P2RX5: variants seen among roughly 807,000 people sequenced by gnomAD.
P2RX5 encodes purinergic receptor P2X 5, also known as P2X purinoceptor 5.
In P2RX5, 46 loss-of-function variants were observed where a neutral mutation model predicts 54.1. The ratio of observed to expected loss-of-function variants is 0.85; its 90% CI spans 0.67 to 1.09. The LOEUF (loss-of-function observed/expected upper bound fraction) is 1.09, where lower values mean the gene tolerates loss of function less well. Among genes scored for constraint, P2RX5 ranks in the 50% least tolerant of loss-of-function variants. P2RX5 has a pLI of 0.00. For missense variants in P2RX5, 566 were observed against 549.8 expected (o/e 1.03, Z -0.29); for synonymous variants, 226 against 226.4 (o/e 1.00, Z 0.02).
At chr17:3,693,802 C>T (rs2143001773) in intron 1 of P2RX5, among the ~76,000 whole-genome samples, 1 of 151,744 alleles carries the variant, frequency 6.6e-6, no homozygotes, top group South Asian at 2.1e-4. Flanking sequence ...AAAACTTGTA[C>T]ATGAATGTTC....
chr17:3,716,887 G>A, the P2RX5 span: 11 of 741,642 alleles, frequency 1.5e-5, no homozygotes, highest in Non-Finnish European at 2.3e-5. Context: ...AAAATACGAG[G>A]ACTTGGCAAC....
chr17:3,689,530 G>A lies in P2RX5; in HGVS notation c.715C>T (p.Arg239Cys), dbSNP rs201196717. 10 of 1,614,186 alleles carry A rather than the reference G, an allele frequency of 6.2e-6. No homozygotes were observed. Among genetic ancestry groups the A allele is most frequent in the Admixed American group, 3.3e-5 (2 of 60,034 alleles). ...CPIFRLGSVI[R>C]WAGSDFQDIA... Reference sequence around the variant, plus strand: ...TCCTGGAAGTCGCTCCCGGCCCAGCGGATCACGGAGCCCAGTCGGAAGATG... The same window carrying A: ...TCCTGGAAGTCGCTCCCGGCCCAGCAGATCACGGAGCCCAGTCGGAAGATG... Residue 239 changes from arginine (R) to cysteine (C), a missense_variant, in exon 7 of 12, where the codon CGC (arginine) becomes TGC (cysteine). Coordinates refer to ENST00000225328, the MANE Select transcript of P2RX5 (RefSeq NM_002561.4).
chr17:3,704,722 T>C, the P2RX5 span, among the ~76,000 whole-genome samples: 1 of 152,084 alleles, frequency 6.6e-6, no homozygotes, highest in Non-Finnish European at 1.5e-5. Context: ...GGATAAAGAT[T>C]CAGGCCGGGT....
chr17:3,721,183 C>A, the P2RX5 span, among the ~76,000 whole-genome samples: 2 of 151,766 alleles, frequency 1.3e-5, no homozygotes, highest in Non-Finnish European at 1.5e-5. Flanking sequence ...CCCACCTTAG[C>A]CTCCCACAGT....
intron 10 of P2RX5, among the ~76,000 whole-genome samples, chr17:3,680,327 GC>G (rs2050223915): frequency 7.4e-6 from 1 of 135,484 alleles, no homozygotes; most frequent in Non-Finnish European, 1.6e-5. Context: ...CCTCCACCCT[GC>G]ATCCTCCACC....
the P2RX5 span, among the ~76,000 whole-genome samples, chr17:3,707,366 G>A: frequency 6.6e-6 from 1 of 152,162 alleles, no homozygotes; most frequent in Admixed American, 6.5e-5. Flanking sequence ...TAGAGGTACT[G>A]GTGTCCTTAA....
At chr17:3,692,603 A>G (rs2050648792) in intron 1 of P2RX5, among the ~76,000 whole-genome samples, 1 of 152,162 alleles carries the variant, frequency 6.6e-6, no homozygotes, top group Non-Finnish European at 1.5e-5. Flanking sequence ...GCACTTTGGG[A>G]GACCAAGGCA....
rs2050516913 is a variant in P2RX5 at position 3,688,650 on chromosome 17, G to A, written c.863C>T (p.Ser288Phe). 6.2e-7 allele frequency: 1 copy of A among 1,614,118 alleles called. No individual in the cohort carries two copies. The highest frequency in any genetic ancestry group is 1.6e-4 in the Middle Eastern group (1 of 6,062). ...FSRLDNKLSK[S>F]VSSGYNFRFA... ...CCTGAAGTTGTACCCGGAGGAGACAGACTTTGAAAGTTTATTGTCCAGACG... is the reference window on the plus strand; with the variant it reads ...CCTGAAGTTGTACCCGGAGGAGACAAACTTTGAAAGTTTATTGTCCAGACG... The change falls in exon 8 of 12, where the codon TCT becomes TTT. Residue 288 changes from serine (S) to phenylalanine (F), a missense_variant. Ser to Phe is a radical substitution (Grantham distance 155, BLOSUM62 -2). Coordinates refer to ENST00000225328, the MANE Select transcript of P2RX5 (RefSeq NM_002561.4).
chr17:3,677,914 A>G (rs2050140524), intron 11 of P2RX5: 18 of 985,136 alleles, frequency 1.8e-5, no homozygotes, highest in Non-Finnish European at 2.2e-5. Context: ...TCCCCTCCTC[A>G]CTCAGCAAAA....
In P2RX5 at chr17:3,674,848, C is replaced by A. The variant is rs1223712969; in HGVS notation, c.1260-971G>T. ...CTACTACTCGCTGACCTCTCCGACA[C>A]CCCATTCCGTCTGTGATGACGGGTG... is the stretch of plus-strand genomic sequence containing the variant. On this transcript the variant is annotated intron_variant, in intron 11 of 11. Transcript: ENST00000225328. Among the ~76,000 whole-genome samples the A allele has an allele frequency of 7.9e-5, 12 of 152,186 alleles. No homozygotes were observed. In the East Asian group the frequency reaches 1.9e-3, roughly 24 times the overall value.
intron 11 of P2RX5, chr17:3,677,866 CCTCTT>C (rs1308023951): frequency 2.8e-5 from 28 of 985,330 alleles, no homozygotes; most frequent in Non-Finnish European, 3.4e-5. Flanking sequence ...TCCAGGGACT[CCTCTT>C]CTAGGTCCGA....
upstream of P2RX5, chr17:3,696,210 G>A (rs562100019): frequency 1.9e-5 from 7 of 371,540 alleles, no homozygotes; most frequent in Admixed American, 1.0e-4. Flanking sequence ...GCCTCGGCTG[G>A]GAGCTGGGCG....
At position 3,673,627 on chromosome 17, in the gene P2RX5, G is replaced by T; in HGVS notation, c.*241C>A. The T allele has an allele frequency of 7.0e-7, 1 of 1,428,924 alleles. No individual in the cohort carries two copies. The allele number at this position is 1,428,924 out of a possible 1,614,324, so 88.5% of individuals were successfully genotyped here. A position where few individuals can be genotyped will look rare whatever the true frequency, so the allele number is the denominator to read the frequency against. ...GTGCGGGAAGCCAGCCACGGAGAAA[G>T]GAAGAACTGACGGCAGGGGGTGGGG... On this transcript the variant is annotated 3_prime_UTR_variant, in exon 12 of 12. Coordinates refer to ENST00000225328, the MANE Select transcript of P2RX5 (RefSeq NM_002561.4).
Position 3,679,742 on chromosome 17 carries a change from C to G in P2RX5, c.1107G>C (p.Ser369=), listed in dbSNP as rs751441423. The change falls in exon 11 of 12, where the codon TCG becomes TCC. Residue 369 remains serine, a synonymous_variant. Coordinates refer to ENST00000225328, the MANE Select transcript of P2RX5 (RefSeq NM_002561.4). ...DSSQEAEDEA[S]GLGLSEQLTS... Reference sequence around the variant, plus strand: ...TGAGCTGCTCAGATAGCCCCAGCCCCGATGCCTCGTCCTCGGCCTCCTGGG... The same window carrying G: ...TGAGCTGCTCAGATAGCCCCAGCCCGGATGCCTCGTCCTCGGCCTCCTGGG... The G allele has an allele frequency of 4.3e-6, 7 of 1,612,316 alleles. No homozygotes were observed. The highest frequency in any genetic ancestry group is 5.9e-6 in the Non-Finnish European group (7 of 1,179,830).
rs143635286 is a variant in P2RX5, at chr17:3,679,747, C to A, written c.1102G>T (p.Ala368Ser). 2 of 1,612,000 alleles carry A rather than the reference C, an allele frequency of 1.2e-6. No homozygotes were observed. Among genetic ancestry groups the A allele is most frequent in the South Asian group, 2.2e-5 (2 of 91,090 alleles). The change falls in exon 11 of 12, where the codon GCA (alanine) becomes TCA (serine). Residue 368 changes from alanine (A) to serine (S), a missense_variant. By Grantham distance (99) the Ala-to-Ser change is moderately conservative. Transcript: ENST00000225328. ...TGCTCAGATAGCCCCAGCCCCGATG[C>A]CTCGTCCTCGGCCTCCTGGGAACTG... Reference protein sequence around the residue: ...EDSSQEAEDEASGLGLSEQLT... With the variant: ...EDSSQEAEDESSGLGLSEQLT...
At chr17:3,712,134 TAAGC>T in the P2RX5 span, among the ~76,000 whole-genome samples, 1 of 152,256 alleles carries the variant, frequency 6.6e-6, no homozygotes. Flanking sequence ...GGAAAATAAG[TAAGC>T]AAACTTACCT....
chr17:3,702,103 T>C, the P2RX5 span, among the ~76,000 whole-genome samples: 1 of 152,172 alleles, frequency 6.6e-6, no homozygotes, highest in Non-Finnish European at 1.5e-5. Context: ...GGAGAGCTTT[T>C]CTGTCTAGGT....
chr17:3,715,017 G>T, the P2RX5 span: 1 of 831,248 alleles, frequency 1.2e-6, no homozygotes, highest in Non-Finnish European at 2.0e-6. Context: ...CATTCTGGCT[G>T]TTGCCTAAAT....
chr17:3,696,349 C>T (rs2050758870), upstream of P2RX5: 1 of 185,722 alleles, frequency 5.4e-6, no homozygotes, highest in African/African-American at 2.3e-5. Context: ...AGCGCAGCCC[C>T]CCGGATGCGC....
Sources: gnomAD v4.1 joint callset for allele counts (sites outside exome capture counted in the v4.1 genomes callset) on GRCh38, gnomAD v4.1.1 for gene constraint, MANE v1.5 for transcripts, NCBI Gene and HGNC (gene_info 2026-07-23, HGNC 2026-07-21) for gene names.